TMEM164: variants seen among roughly 807,000 people sequenced by gnomAD.
TMEM164 encodes the protein RP13-360B22.2.
In TMEM164, 4 loss-of-function variants were observed where a neutral mutation model predicts 18.8. The ratio of observed to expected loss-of-function variants is 0.21; its 90% CI spans 0.10 to 0.49. TMEM164 has a LOEUF of 0.49. Ranked by LOEUF, TMEM164 falls within the 20% of genes least tolerant of loss-of-function variation. The pLI is 0.98. For synonymous variants in TMEM164, 86 were observed against 101.7 expected (o/e 0.85, Z 0.93); for missense variants, 108 against 239.9 (o/e 0.45, Z 3.63).
At chrX:110,156,427 A>G (rs1297207902) in intron 5 of TMEM164, among the ~76,000 whole-genome samples, 1 of 112,087 alleles carries the variant, frequency 8.9e-6, no homozygotes, top group Non-Finnish European at 1.9e-5. Context: ...TTTATTAAAG[A>G]TGTTGATTAA....
intron 2 of TMEM164, among the ~76,000 whole-genome samples, chrX:110,057,727 C>T (rs1935913126): frequency 9.0e-6 from 1 of 110,663 alleles, no homozygotes; most frequent in Non-Finnish European, 1.9e-5. Context: ...TTTTCATTTG[C>T]ATATCCCCAA....
chrX:110,035,730 C>G (rs760844989), intron 2 of TMEM164, among the ~76,000 whole-genome samples: 1 of 110,188 alleles, frequency 9.1e-6, no homozygotes, highest in South Asian at 3.9e-4. Context: ...GTCTCGAACT[C>G]CTGATCTCAA....
At chrX:110,084,379 T>TATATATATATAGTATATATATATATATA in intron 3 of TMEM164, among the ~76,000 whole-genome samples, 1 of 35,629 alleles carries the variant, frequency 2.8e-5, no homozygotes, top group Middle Eastern at 0.016. Flanking sequence ...ATATATATAG[T>TATATATATATAGTATATATATATATATA]GTATATATAT....
intron 2 of TMEM164, among the ~76,000 whole-genome samples, chrX:110,013,573 T>C (rs1301450991): frequency 8.9e-6 from 1 of 112,087 alleles, no homozygotes; most frequent in Non-Finnish European, 1.9e-5. Flanking sequence ...GCTGGGACAT[T>C]GTAGGCTTGG....
chrX:110,179,009 G>A (rs371202483), downstream of TMEM164, among the ~76,000 whole-genome samples: 16 of 111,433 alleles, frequency 1.4e-4, 1 homozygote, highest in East Asian at 1.1e-3. Flanking sequence ...AAAGAGAGCC[G>A]GGCAGTGGTG....
At chrX:110,061,593 ATTCT>A (rs1407944996) in intron 2 of TMEM164, among the ~76,000 whole-genome samples, 2 of 111,952 alleles carry the variant, frequency 1.8e-5, no homozygotes, top group Non-Finnish European at 3.8e-5. Flanking sequence ...GGTCAACCCC[ATTCT>A]TTCTTTGGGT....
intron 5 of TMEM164, among the ~76,000 whole-genome samples, chrX:110,161,389 G>A (rs1232788411): frequency 9.0e-6 from 1 of 111,323 alleles, no homozygotes; most frequent in Non-Finnish European, 1.9e-5. Flanking sequence ...TCAGGTAAGG[G>A]CAGGTGAAAG....
intron 5 of TMEM164, among the ~76,000 whole-genome samples, chrX:110,148,842 A>G (rs2066899339): frequency 9.1e-6 from 1 of 110,123 alleles, no homozygotes; most frequent in South Asian, 3.9e-4. Context: ...TGAATTTTCA[A>G]CCCTCTCTTC....
chrX:110,170,447 T>A (rs1318023402), intron 5 of TMEM164, among the ~76,000 whole-genome samples: 1 of 112,372 alleles, frequency 8.9e-6, no homozygotes, highest in Non-Finnish European at 1.9e-5. Context: ...AATGGATGAA[T>A]CAGTGAAAGA....
intron 2 of TMEM164, among the ~76,000 whole-genome samples, chrX:110,030,903 A>C (rs1166410030): frequency 9.0e-6 from 1 of 111,518 alleles, no homozygotes; most frequent in African/African-American, 3.3e-5. Flanking sequence ...AATTTTTAAA[A>C]ATTTTAAAAT....
chrX:110,120,650 T>G (rs2066437223), intron 4 of TMEM164, among the ~76,000 whole-genome samples: 1 of 111,589 alleles, frequency 9.0e-6, no homozygotes, highest in African/African-American at 3.3e-5. Context: ...ATACAATACA[T>G]TATTGTTAAC....
chrX:110,093,215 C>T lies in TMEM164; in HGVS notation c.441-15865C>T, dbSNP rs946035384. Among the ~76,000 whole-genome samples the T allele has an allele frequency of 1.7e-4, 19 of 111,997 alleles. No individual in the cohort carries two copies. The South Asian group carries it at 2.2e-3, about 13-fold the overall frequency. On this transcript the variant is annotated intron_variant, in intron 3 of 6. Coordinates refer to ENST00000372068, the MANE Select transcript of TMEM164 (RefSeq NM_032227.4). ...GCCAGGCTTTGGTATCAGGATGATG[C>T]TGGCCTCATAAAATAAGTTAGGAAG... is the stretch of plus-strand genomic sequence containing the variant.
At chrX:110,157,167 T>TG (rs1476134075) in intron 5 of TMEM164, among the ~76,000 whole-genome samples, 1 of 111,186 alleles carries the variant, frequency 9.0e-6, no homozygotes, top group Non-Finnish European at 1.9e-5. Flanking sequence ...GAGAAAGCCT[T>TG]GGGGAACATC....
At chrX:110,084,477 T>TAG (rs369187031) in intron 3 of TMEM164, among the ~76,000 whole-genome samples, 7 of 48,909 alleles carry the variant, frequency 1.4e-4, no homozygotes, top group African/African-American at 6.7e-4. Flanking sequence ...TATATATATA[T>TAG]AGAGAGAGAG....
intron 2 of TMEM164, among the ~76,000 whole-genome samples, chrX:110,042,869 A>G (rs1263867260): frequency 1.8e-5 from 2 of 112,007 alleles, no homozygotes; most frequent in Non-Finnish European, 3.8e-5. Context: ...TTTTGAAAAA[A>G]CTGGGTTTTT....
intron 2 of TMEM164, among the ~76,000 whole-genome samples, chrX:110,018,502 T>C (rs1933610808): frequency 8.9e-6 from 1 of 112,539 alleles, no homozygotes; most frequent in Non-Finnish European, 1.9e-5. Flanking sequence ...GTTCTGCTGC[T>C]TTCTAGCTGT....
intron 3 of TMEM164, among the ~76,000 whole-genome samples, chrX:110,070,561 C>T (rs1294749420): frequency 9.0e-6 from 1 of 110,709 alleles, no homozygotes; most frequent in East Asian, 2.8e-4. Flanking sequence ...CTGCTCTATG[C>T]CTTTCTTGAT....
chrX:110,140,315 A>G (rs1232314639), intron 4 of TMEM164, among the ~76,000 whole-genome samples: 1 of 111,865 alleles, frequency 8.9e-6, no homozygotes, highest in East Asian at 2.8e-4. Context: ...AGGCACAGAG[A>G]GGCACTCCCT....
intron 3 of TMEM164, 135 bp from the exon 4 acceptor site, chrX:110,108,945 A>G: frequency 1.8e-6 from 1 of 549,874 alleles, no homozygotes; most frequent in South Asian, 2.7e-5. Context: ...TGCAAACTCC[A>G]GTGCCATTTT....
Sources: allele counts gnomAD v4.1 joint callset (sites outside exome capture counted in the v4.1 genomes callset), GRCh38; gene constraint gnomAD v4.1.1; transcripts MANE v1.5; gene names NCBI Gene and HGNC (gene_info 2026-07-23, HGNC 2026-07-21).